RGS6: variants seen among roughly 807,000 people sequenced by gnomAD.
RGS6 encodes the protein regulator of G-protein signaling 6.
RGS6 carries 30 observed loss-of-function variants against 78.5 expected under a neutral mutation model. The observed-to-expected ratio is 0.38, with a 90% CI of 0.29 to 0.52. The LOEUF (loss-of-function observed/expected upper bound fraction) is 0.52, where lower values mean the gene tolerates loss of function less well. Among genes scored for constraint, RGS6 ranks in the 20% least tolerant of loss-of-function variants. The pLI, the probability that RGS6 is intolerant of heterozygous loss-of-function variation, is 0.85. For synonymous variants in RGS6, 206 were observed against 206.0 expected, an observed-to-expected ratio of 1.00 and a Z score of 0.00; for missense variants, 495 against 609.7, an observed-to-expected ratio of 0.81 and a Z score of 1.98.
At chr14:72,226,873 G>C (rs2048254661) in intron 2 of RGS6, among the ~76,000 whole-genome samples, 1 of 152,172 alleles carries the variant, frequency 6.6e-6, no homozygotes, top group African/African-American at 2.4e-5. Context: ...TTTTAGTAGA[G>C]ATGGCTTTTT....
intron 10 of RGS6, 44 bp downstream of exon 10, chr14:72,474,743 C>T (rs1222342799): frequency 1.4e-5 from 21 of 1,470,156 alleles, no homozygotes; most frequent in Non-Finnish European, 1.9e-5. Context: ...TGTGAATAGC[C>T]CTTCCAGTTC....
chr14:72,559,845 C>T lies in RGS6; in HGVS notation c.1423-2572C>T, dbSNP rs979105140. On this transcript the variant is annotated intron_variant, in intron 17 of 17. Transcript: ENST00000553525. The stretch of plus-strand genomic sequence containing the variant: ...TTAGCACCTTCAAGCCCAGCCCAGC[C>T]CAGCCCATTCTGTAGAAAGGGGAAG... Among the ~76,000 whole-genome samples the T allele has an allele frequency of 1.1e-4, 16 of 152,218 alleles. No individual in the cohort carries two copies. In the East Asian group the frequency reaches 3.1e-3, roughly 29 times the overall value.
chr14:72,597,017 T>A, the RGS6 span, among the ~76,000 whole-genome samples: 64 of 152,256 alleles, frequency 4.2e-4, no homozygotes, highest in African/African-American at 1.5e-3. Context: ...AGTAGGTAGA[T>A]AACTGGAGGT....
the RGS6 span, among the ~76,000 whole-genome samples, chr14:71,897,204 C>T: frequency 6.6e-6 from 1 of 152,218 alleles, no homozygotes; most frequent in Admixed American, 6.5e-5. Context: ...AATAAATATT[C>T]TGGCTATCTG....
At chr14:72,614,979 G>C in the RGS6 span, among the ~76,000 whole-genome samples, 1 of 148,080 alleles carries the variant, frequency 6.8e-6, no homozygotes, top group South Asian at 2.3e-4. Flanking sequence ...CTGCTAAAAG[G>C]GACACCAAGT....
intron 2 of RGS6, among the ~76,000 whole-genome samples, chr14:72,314,970 G>A (rs1434462186): frequency 6.6e-6 from 1 of 152,184 alleles, no homozygotes; most frequent in East Asian, 1.9e-4. Context: ...ACATTGCTTT[G>A]GGATGGATGG....
intron 3 of RGS6, among the ~76,000 whole-genome samples, chr14:72,412,209 G>A (rs2093470952): frequency 6.6e-6 from 1 of 152,056 alleles, no homozygotes; most frequent in Non-Finnish European, 1.5e-5. Flanking sequence ...GACTTTTTTT[G>A]GTTGGTAAGC....
intron 2 of RGS6, among the ~76,000 whole-genome samples, chr14:71,975,100 G>A (rs999883423): frequency 5.9e-5 from 9 of 152,232 alleles, no homozygotes; most frequent in African/African-American, 1.7e-4. Flanking sequence ...GCTGCAGTGG[G>A]CCATGATTGT....
Position 72,452,529 on chromosome 14 carries a change from C to T in RGS6, c.185-1999C>T, listed in dbSNP as rs2095522536. Reference sequence around the variant, plus strand: ...TGTCCTGTACCAGTCCCACTTCTGGCCACCAGTCACATATCTAAGAAAACT... The same window carrying T: ...TGTCCTGTACCAGTCCCACTTCTGGTCACCAGTCACATATCTAAGAAAACT... On this transcript the variant is annotated intron_variant, in intron 3 of 17. Coordinates refer to ENST00000553525, the MANE Select transcript of RGS6 (RefSeq NM_001204424.2). Among the ~76,000 whole-genome samples, 3 of 152,160 alleles carry T rather than the reference C, an allele frequency of 2.0e-5. No individual in the cohort carries two copies. The South Asian group carries it at 6.2e-4, about 32-fold the overall frequency.
At chr14:72,337,731 A>G (rs1567792027) in intron 2 of RGS6, among the ~76,000 whole-genome samples, 1 of 152,234 alleles carries the variant, frequency 6.6e-6, no homozygotes, top group African/African-American at 2.4e-5. Context: ...AAGCTACAAA[A>G]ACCTTTTAAT....
At chr14:72,063,880 C>G (rs2094008884) in intron 2 of RGS6, among the ~76,000 whole-genome samples, 1 of 151,880 alleles carries the variant, frequency 6.6e-6, no homozygotes, top group Non-Finnish European at 1.5e-5. Flanking sequence ...AGTAAGGGGT[C>G]ATTTCTAGGA....
intron 2 of RGS6, among the ~76,000 whole-genome samples, chr14:72,229,952 C>T (rs2049131956): frequency 6.6e-6 from 1 of 152,160 alleles, no homozygotes; most frequent in African/African-American, 2.4e-5. Flanking sequence ...TCTGTTTGGC[C>T]TCATTTACAT....
intron 2 of RGS6, among the ~76,000 whole-genome samples, chr14:72,069,461 G>A (rs753615146): frequency 4.6e-5 from 7 of 152,026 alleles, no homozygotes; most frequent in Admixed American, 1.3e-4. Flanking sequence ...TTTAACTCCC[G>A]TTTTCCTCTC....
intron 2 of RGS6, among the ~76,000 whole-genome samples, chr14:72,282,986 T>C (rs2061845588): frequency 1.3e-5 from 2 of 152,172 alleles, no homozygotes; most frequent in Admixed American, 1.3e-4. Context: ...TTCTATGGTT[T>C]TGACTATTTT....
intron 2 of RGS6, among the ~76,000 whole-genome samples, chr14:72,226,051 C>G (rs2048053664): frequency 6.6e-6 from 1 of 152,148 alleles, no homozygotes; most frequent in Non-Finnish European, 1.5e-5. Context: ...AAGGAAATTC[C>G]TCAGAGTTTA....
At chr14:72,575,724 T>G in the RGS6 span, among the ~76,000 whole-genome samples, 1 of 152,394 alleles carries the variant, frequency 6.6e-6, no homozygotes, top group Non-Finnish European at 1.5e-5. Context: ...GTTTGCAGAT[T>G]ACTCTGATTT....
chr14:72,291,482 A>C (rs2063564883), intron 2 of RGS6, among the ~76,000 whole-genome samples: 1 of 152,146 alleles, frequency 6.6e-6, no homozygotes, highest in African/African-American at 2.4e-5. Flanking sequence ...ACACTAGTCC[A>C]TATGGCTTTA....
intron 2 of RGS6, among the ~76,000 whole-genome samples, chr14:72,171,111 TAC>T (rs1279337416): frequency 1.3e-5 from 2 of 152,118 alleles, no homozygotes; most frequent in Non-Finnish European, 2.9e-5. Context: ...TTTCTTTAAT[TAC>T]ACACATATCC....
intron 12 of RGS6, among the ~76,000 whole-genome samples, chr14:72,481,638 C>G (rs1566950991): frequency 6.6e-6 from 1 of 152,124 alleles, no homozygotes; most frequent in Non-Finnish European, 1.5e-5. Context: ...ATGCCAGCAT[C>G]GTGGCAACCA....
Sources: allele counts gnomAD v4.1 joint callset (sites outside exome capture counted in the v4.1 genomes callset), GRCh38; gene constraint gnomAD v4.1.1; transcripts MANE v1.5; gene names NCBI Gene and HGNC (gene_info 2026-07-23, HGNC 2026-07-21).